Variants in EIF1 observed in about 807,000 individuals in gnomAD.
EIF1 encodes the protein eukaryotic translation initiation factor 1.
A neutral mutation model predicts 13.7 loss-of-function variants in EIF1; 4 were observed. That is an observed-to-expected ratio of 0.29 (90% CI 0.14 to 0.67). The LOEUF (loss-of-function observed/expected upper bound fraction) is 0.67, where lower values mean the gene tolerates loss of function less well. EIF1 is among the 30% of genes least tolerant of loss of function. The probability of loss-of-function intolerance (pLI) is 0.77; values close to 1 mark genes in which losing one functional copy is unlikely to be tolerated. For missense variants in EIF1, 64 were observed against 138.0 expected (o/e 0.46, Z 2.69); for synonymous variants, 67 against 50.7 (o/e 1.32, Z -1.37).
intron 3 of EIF1, chr17:41,690,535 G>C: frequency 1.7e-6 from 1 of 571,534 alleles, no homozygotes; most frequent in Non-Finnish European, 3.1e-6. Flanking sequence ...TACATGATCA[G>C]CTCTTGATAT....
At chr17:41,690,264 G>A in intron 3 of EIF1, 75 bp downstream of exon 3, 1 of 1,347,872 alleles carries the variant, frequency 7.4e-7, no homozygotes, top group Non-Finnish European at 1.0e-6. Flanking sequence ...TTCTGCTGGG[G>A]ACATAAAAGT....
In EIF1 at chr17:41,692,216, C is replaced by G. The variant is rs1198747257; in HGVS notation, c.*1390C>G. The stretch of plus-strand genomic sequence containing the variant: ...AGTAGTAACAGCCTTGGTTTAAGGG[C>G]GCAGAGTGGAGAGTAAATGCAAGGG... On this transcript the variant is annotated 3_prime_UTR_variant, in exon 4 of 4. Transcript: ENST00000469257. 6.6e-6 allele frequency: 1 copy of G among 152,160 alleles called. No homozygotes were observed. The highest frequency in any genetic ancestry group is 1.5e-5 in the Non-Finnish European group (1 of 68,066). The allele number at this position is 152,160 out of a possible 1,614,324, so 9.4% of individuals were successfully genotyped here.
In EIF1 at chr17:41,688,922, CTCCCCCTTGA is replaced by C; in HGVS notation, c.-116_-107del. On this transcript the variant is annotated 5_prime_UTR_variant, in exon 1 of 4. Transcript: ENST00000469257. ...GAGCCGCCGCCGAGGATTCAGCAGC[CTCCCCCTTGA>C]GCCCCCTCGCTTCCCGACGTTCCGT... The C allele has an allele frequency of 9.6e-7, 1 of 1,042,564 alleles. No homozygotes were observed. The highest frequency in any genetic ancestry group is 1.4e-5 in the South Asian group (1 of 72,936). The allele number at this position is 1,042,564 out of a possible 1,614,324, so 64.6% of individuals were successfully genotyped here. A position where few individuals can be genotyped will look rare whatever the true frequency, so the allele number is the denominator to read the frequency against.
chr17:41,688,922 C>G lies in EIF1; in HGVS notation c.-117C>G, dbSNP rs908028106. On this transcript the variant is annotated 5_prime_UTR_variant, in exon 1 of 4. Coordinates refer to ENST00000469257, the MANE Select transcript of EIF1 (RefSeq NM_005801.4). The stretch of plus-strand genomic sequence containing the variant: ...GAGCCGCCGCCGAGGATTCAGCAGC[C>G]TCCCCCTTGAGCCCCCTCGCTTCCC... The G allele has an allele frequency of 1.3e-5, 14 of 1,042,446 alleles. No individual in the cohort carries two copies. In the East Asian group the frequency reaches 2.3e-4, roughly 17 times the overall value. The allele number at this position is 1,042,446 out of a possible 1,614,324, so 64.6% of individuals were successfully genotyped here. A position where few individuals can be genotyped will look rare whatever the true frequency, so the allele number is the denominator to read the frequency against.
In EIF1 at chr17:41,689,371, C is replaced by T. The variant is rs1263256171; in HGVS notation, c.31+302C>T. The T allele has an allele frequency of 1.1e-5, 6 of 547,292 alleles. No individual in the cohort carries two copies. In the East Asian group the frequency reaches 1.6e-4, roughly 14 times the overall value. 33.9% of individuals were successfully genotyped at this position (547,292 alleles called of 1,614,324 possible). ...CCCTCCCGTCACCATTGCGTCACGT[C>T]CGTTACGTCACCACCCGTTGTCACG... On this transcript the variant is annotated intron_variant, in intron 1 of 3. Coordinates refer to ENST00000469257, the MANE Select transcript of EIF1 (RefSeq NM_005801.4).
In EIF1 at chr17:41,691,080, A is replaced by G. The variant is rs1910362706; in HGVS notation, c.*254A>G. ...GCAGTGTCAAGCCTGAAACCAAGCAATACCGTCATGTTTCAGCCAAGCCCA... is the reference window on the plus strand; with the variant it reads ...GCAGTGTCAAGCCTGAAACCAAGCAGTACCGTCATGTTTCAGCCAAGCCCA... On this transcript the variant is annotated 3_prime_UTR_variant, in exon 4 of 4. Coordinates refer to ENST00000469257, the MANE Select transcript of EIF1 (RefSeq NM_005801.4). The G allele has an allele frequency of 5.3e-6, 3 of 566,238 alleles. No homozygotes were observed. The African/African-American group carries it at 5.6e-5, about 11-fold the overall frequency. 35.1% of individuals were successfully genotyped at this position (566,238 alleles called of 1,614,324 possible).
intron 3 of EIF1, 76 bp from the exon 4 acceptor site, chr17:41,690,706 G>A: frequency 6.5e-7 from 1 of 1,534,194 alleles, no homozygotes; most frequent in Non-Finnish European, 9.0e-7. Context: ...CAGGAAGACA[G>A]GGTTGTTGCC....
In EIF1 at chr17:41,689,008, C is replaced by T; in HGVS notation, c.-31C>T. On this transcript the variant is annotated 5_prime_UTR_variant, in exon 1 of 4. Transcript: ENST00000469257. ...ACCGCCGCCGCCGCCTTCCGCAGGC[C>T]GTTTCCACCGAGGAAAAGGAATCGT... The T allele has an allele frequency of 1.2e-6, 2 of 1,612,786 alleles. No individual in the cohort carries two copies. Among genetic ancestry groups the T allele is most frequent in the Non-Finnish European group, 8.5e-7 (1 of 1,179,708 alleles).
chr17:41,689,679 A>G (rs1910314966), intron 1 of EIF1, 99 bp from the exon 2 acceptor site: 4 of 1,246,358 alleles, frequency 3.2e-6, no homozygotes, highest in Non-Finnish European at 3.3e-6. Flanking sequence ...TGACGATTTC[A>G]GTGTTGTTTT....
intron 1 of EIF1, chr17:41,689,454 T>G: frequency 2.2e-6 from 1 of 463,050 alleles, no homozygotes; most frequent in Non-Finnish European, 3.9e-6. Flanking sequence ...CCAATGGGGG[T>G]GGGAGGCTTA....
intron 1 of EIF1, 58 bp downstream of exon 1, chr17:41,689,127 A>T: frequency 6.3e-7 from 1 of 1,592,856 alleles, no homozygotes; most frequent in Non-Finnish European, 8.6e-7. Context: ...CCGGGCCCGG[A>T]GACGTGTTCC....
rs1438911308 is a variant in EIF1 at position 41,692,343 on chromosome 17, G to GTATT, written c.*1519_*1522dup. On this transcript the variant is annotated 3_prime_UTR_variant, in exon 4 of 4. Coordinates refer to ENST00000469257, the MANE Select transcript of EIF1 (RefSeq NM_005801.4). ...GTAGTATTAGAAGGTTTAATGACAA[G>GTATT]TATTTGAAGAGCTGAAGTTAAGTGT... is the stretch of plus-strand genomic sequence containing the variant. 1 of 152,200 alleles carries GTATT rather than the reference G, an allele frequency of 6.6e-6. No homozygotes were observed. The highest frequency in any genetic ancestry group is 2.4e-5 in the African/African-American group (1 of 41,442). The allele number at this position is 152,200 out of a possible 1,614,324, so 9.4% of individuals were successfully genotyped here. A position where few individuals can be genotyped will look rare whatever the true frequency, so the allele number is the denominator to read the frequency against.
Position 41,691,535 on chromosome 17 carries a change from C to G in EIF1, c.*709C>G, listed in dbSNP as rs1910379484. 1 of 152,790 alleles carries G rather than the reference C, an allele frequency of 6.5e-6. No individual in the cohort carries two copies. Among genetic ancestry groups the G allele is most frequent in the African/African-American group, 2.4e-5 (1 of 41,448 alleles). The allele number at this position is 152,790 out of a possible 1,614,324, so 9.5% of individuals were successfully genotyped here. ...TTGCAACTTAATAGCAGCAGCTGCCCAATGCCATGTGAAGTAACAAACTGG... is the reference window on the plus strand; with the variant it reads ...TTGCAACTTAATAGCAGCAGCTGCCGAATGCCATGTGAAGTAACAAACTGG... On this transcript the variant is annotated 3_prime_UTR_variant, in exon 4 of 4. Coordinates refer to ENST00000469257, the MANE Select transcript of EIF1 (RefSeq NM_005801.4).
rs897303373 is a variant in EIF1, at chr17:41,688,933, G to A, written c.-106G>A. ...GAGGATTCAGCAGCCTCCCCCTTGA[G>A]CCCCCTCGCTTCCCGACGTTCCGTT... On this transcript the variant is annotated 5_prime_UTR_variant, in exon 1 of 4. Transcript: ENST00000469257. 20 of 1,180,612 alleles carry A rather than the reference G, an allele frequency of 1.7e-5. No individual in the cohort carries two copies. In the East Asian group the frequency reaches 4.6e-4, roughly 27 times the overall value. The allele number at this position is 1,180,612 out of a possible 1,614,324, so 73.1% of individuals were successfully genotyped here.
At chr17:41,689,359 A>G (rs891437256) in intron 1 of EIF1, 166 of 554,934 alleles carry the variant, frequency 3.0e-4, no homozygotes, top group Non-Finnish European at 8.0e-5. Flanking sequence ...TCCCGTCACC[A>G]TTGCGTCACG....
In EIF1 at chr17:41,689,820, C is replaced by T. The variant is rs772205834; in HGVS notation, c.74C>T (p.Ala25Val). 2 of 1,613,440 alleles carry T rather than the reference C, an allele frequency of 1.2e-6. No homozygotes were observed. Among genetic ancestry groups the T allele is most frequent in the East Asian group, 2.2e-5 (1 of 44,860 alleles). ...AGTAAGGGTGATGACCTGCTTCCTG[C>T]TGGCACTGAGGATTATATCCATATA... is the stretch of plus-strand genomic sequence containing the variant. ...DASKGDDLLP[A>V]GTEDYIHIRI... Residue 25 changes from alanine to valine, a missense_variant, in exon 2 of 4, where the codon GCT (alanine) becomes GTT (valine). By Grantham distance (64) the Ala-to-Val change is moderately conservative (BLOSUM62 0). This residue lies in a region of EIF1 where 29 missense variants were observed against 34.7 expected (regional missense o/e 0.84). Transcript: ENST00000469257.
In EIF1 at chr17:41,691,308, G is replaced by A. The variant is rs1025575490; in HGVS notation, c.*482G>A. ...CCTGGTGTCTCCAACCTGACTAGGT[G>A]GACAGAGCTCAAAGAGGCCCTCTTA... On this transcript the variant is annotated 3_prime_UTR_variant, in exon 4 of 4. Transcript: ENST00000469257. The A allele has an allele frequency of 4.4e-6, 1 of 229,794 alleles. No individual in the cohort carries two copies. Among genetic ancestry groups the A allele is most frequent in the Non-Finnish European group, 8.4e-6 (1 of 118,980 alleles). 14.2% of individuals were successfully genotyped at this position (229,794 alleles called of 1,614,324 possible). A position where few individuals can be genotyped will look rare whatever the true frequency, so the allele number is the denominator to read the frequency against.
intron 1 of EIF1, 104 bp from the exon 2 acceptor site, chr17:41,689,674 A>T: frequency 8.2e-7 from 1 of 1,221,972 alleles, no homozygotes; most frequent in Non-Finnish European, 1.1e-6. Flanking sequence ...AGCCCTGACG[A>T]TTTCAGTGTT....
chr17:41,689,381 A>G lies in EIF1; in HGVS notation c.31+312A>G. 1.3e-5 allele frequency: 7 copies of G among 533,516 alleles called. 1 individual carries two copies. The highest frequency in any genetic ancestry group is 1.2e-4 in the South Asian group (5 of 42,580). The allele number at this position is 533,516 out of a possible 1,614,324, so 33.0% of individuals were successfully genotyped here. A position where few individuals can be genotyped will look rare whatever the true frequency, so the allele number is the denominator to read the frequency against. Reference sequence around the variant, plus strand: ...ACCATTGCGTCACGTCCGTTACGTCACCACCCGTTGTCACGGATCCGGAGG... The same window carrying G: ...ACCATTGCGTCACGTCCGTTACGTCGCCACCCGTTGTCACGGATCCGGAGG... On this transcript the variant is annotated intron_variant, in intron 1 of 3. Coordinates refer to ENST00000469257, the MANE Select transcript of EIF1 (RefSeq NM_005801.4).
Sources: gnomAD v4.1 joint callset for allele counts on GRCh38, gnomAD v4.1.1 for gene constraint, gnomAD v4.1.1 regional missense constraint, MANE v1.5 for transcripts, NCBI Gene and HGNC (gene_info 2026-07-23, HGNC 2026-07-21) for gene names.